The following PODXL variants were observed in gnomAD, a reference collection of about 807,000 sequenced individuals.
PODXL encodes podocalyxin like.
A neutral mutation model predicts 48.9 loss-of-function variants in PODXL; 20 were observed. That is an observed-to-expected ratio of 0.41 (90% confidence interval 0.29 to 0.59). The LOEUF (loss-of-function observed/expected upper bound fraction) is 0.59. Ranked by LOEUF, PODXL falls within the 20% of genes least tolerant of loss-of-function variation. PODXL has a pLI of 0.31. For missense variants in PODXL, 606 were observed against 675.1 expected (o/e 0.90, Z 1.13); for synonymous variants, 295 against 287.4 (o/e 1.03, Z -0.27).
intron 1 of PODXL, among the ~76,000 whole-genome samples, chr7:131,545,276 G>GCAAGCAGCCTT (rs1317441593): frequency 6.6e-6 from 1 of 152,234 alleles, no homozygotes; most frequent in Non-Finnish European, 1.5e-5. Flanking sequence ...GGACTCTGGG[G>GCAAGCAGCCTT]CAAGCAGCCT....
chr7:131,530,716 C>G (rs937585276), intron 1 of PODXL, among the ~76,000 whole-genome samples: 2 of 150,542 alleles, frequency 1.3e-5, no homozygotes, highest in Non-Finnish European at 2.9e-5. Flanking sequence ...TATGATCACA[C>G]CACTGCACTC....
intron 1 of PODXL, among the ~76,000 whole-genome samples, chr7:131,550,570 T>C (rs1798652081): frequency 2.0e-5 from 3 of 151,984 alleles, no homozygotes; most frequent in African/African-American, 7.3e-5. Flanking sequence ...GTCTTGAATC[T>C]GGGAGGCAGA....
chr7:131,528,705 T>A (rs191147697), intron 1 of PODXL, among the ~76,000 whole-genome samples: 1 of 152,330 alleles, frequency 6.6e-6, no homozygotes, highest in East Asian at 1.9e-4. Context: ...GTAGCGATGT[T>A]CAGCTGCTTG....
chr7:131,506,137 C>T, intron 7 of PODXL, 102 bp from the exon 8 acceptor site: 1 of 1,540,982 alleles, frequency 6.5e-7, no homozygotes, highest in Non-Finnish European at 8.9e-7. Flanking sequence ...AGGGTCCGTG[C>T]CGCCGCCCTC....
chr7:131,556,248 C>T lies in PODXL; in HGVS notation c.100+12G>A. ...GGTGGGAGTCCCGGCGGAACCCAGGCCGGCCACTCACCATTCTGGGAGGGC... is the reference window on the plus strand; with the variant it reads ...GGTGGGAGTCCCGGCGGAACCCAGGTCGGCCACTCACCATTCTGGGAGGGC... On this transcript the variant is annotated intron_variant, in intron 1 of 8. Transcript: ENST00000378555. The T allele has an allele frequency of 1.4e-6, 2 of 1,472,142 alleles. No homozygotes were observed. The highest frequency in any genetic ancestry group is 1.8e-6 in the Non-Finnish European group (2 of 1,114,604). The allele number at this position is 1,472,142 out of a possible 1,614,324, so 91.2% of individuals were successfully genotyped here.
At chr7:131,506,178 C>T (rs915311617) in intron 7 of PODXL, 82 bp downstream of exon 7, 65 of 1,564,122 alleles carry the variant, frequency 4.2e-5, no homozygotes, top group Non-Finnish European at 5.2e-5. Context: ...CGGGGTTCCT[C>T]CCCACAGAGA....
intron 1 of PODXL, among the ~76,000 whole-genome samples, chr7:131,530,768 A>G (rs1194852303): frequency 6.6e-6 from 1 of 151,292 alleles, no homozygotes; most frequent in African/African-American, 2.4e-5. Context: ...AGAAAAAAAA[A>G]AAAAAAAAAG....
chr7:131,543,318 G>T (rs1798513623), intron 1 of PODXL, among the ~76,000 whole-genome samples: 1 of 151,950 alleles, frequency 6.6e-6, no homozygotes, highest in African/African-American at 2.4e-5. Flanking sequence ...TAGAGATAGG[G>T]CCTCACTATG....
In PODXL at chr7:131,508,936, C is replaced by T. The variant is rs3212299; in HGVS notation, c.1101+15G>A. 1.3e-6 allele frequency: 2 copies of T among 1,597,714 alleles called. No homozygotes were observed. The highest frequency in any genetic ancestry group is 2.2e-5 in the South Asian group (2 of 90,712). On this transcript the variant is annotated intron_variant, in intron 5 of 8. Transcript: ENST00000378555. Reference sequence around the variant, plus strand: ...TGAGCCTGCACCTGGCGGCTCAGATCAGCAAGCTACTCACACAGAGGGTGT... The same window carrying T: ...TGAGCCTGCACCTGGCGGCTCAGATTAGCAAGCTACTCACACAGAGGGTGT...
intron 1 of PODXL, among the ~76,000 whole-genome samples, chr7:131,531,307 C>G (rs1798277263): frequency 2.0e-5 from 3 of 152,174 alleles, no homozygotes; most frequent in African/African-American, 7.2e-5. Context: ...CAGTATCTCC[C>G]CCTCTCTACC....
intron 1 of PODXL, among the ~76,000 whole-genome samples, chr7:131,533,706 G>T (rs1166680283): frequency 1.3e-5 from 2 of 152,148 alleles, no homozygotes; most frequent in Admixed American, 6.5e-5. Context: ...AGCACCCAAG[G>T]ATACTTGGCT....
Position 131,509,685 on chromosome 7 carries a change from T to C in PODXL, c.803-100A>G. On this transcript the variant is annotated intron_variant, in intron 3 of 8. Transcript: ENST00000378555. ...CTAATAGTTTTCCCAGGTTCTTTGG[T>C]CTTACCTCCCACAGAGACGGAAGAA... 3.8e-6 allele frequency: 3 copies of C among 789,178 alleles called. No individual in the cohort carries two copies. In the South Asian group the frequency reaches 7.2e-5, roughly 19 times the overall value. The allele number at this position is 789,178 out of a possible 1,614,324, so 48.9% of individuals were successfully genotyped here.
intron 8 of PODXL, among the ~76,000 whole-genome samples, chr7:131,504,930 C>T (rs553344030): frequency 6.6e-6 from 1 of 152,198 alleles, no homozygotes; most frequent in African/African-American, 2.4e-5. Flanking sequence ...GGTACGGTGT[C>T]TCTAGAATCA....
At chr7:131,554,854 A>G (rs953480893) in intron 1 of PODXL, among the ~76,000 whole-genome samples, 1 of 152,168 alleles carries the variant, frequency 6.6e-6, no homozygotes, top group African/African-American at 2.4e-5. Flanking sequence ...AGTAGGGCTA[A>G]GGAGCCACCA....
At chr7:131,534,051 C>G (rs1007455298) in intron 1 of PODXL, among the ~76,000 whole-genome samples, 1 of 152,098 alleles carries the variant, frequency 6.6e-6, no homozygotes, top group South Asian at 2.1e-4. Context: ...AGGAAAGGCA[C>G]CCCACCTCCC....
At chr7:131,533,167 A>G (rs1798311712) in intron 1 of PODXL, among the ~76,000 whole-genome samples, 1 of 152,152 alleles carries the variant, frequency 6.6e-6, no homozygotes, top group Admixed American at 6.5e-5. Context: ...AGTGTCAGGT[A>G]GATAAGTGCA....
At position 131,556,350 on chromosome 7, in the gene PODXL, C is replaced by T; in HGVS notation, c.10G>A (p.Ala4Thr). 1.4e-6 allele frequency: 2 copies of T among 1,441,674 alleles called. No individual in the cohort carries two copies. Among genetic ancestry groups the T allele is most frequent in the East Asian group, 2.8e-5 (1 of 35,604 alleles). 89.3% of individuals were successfully genotyped at this position (1,441,674 alleles called of 1,614,324 possible). The change falls in exon 1 of 9, where the codon GCG becomes ACG. Residue 4 changes from alanine (A) to threonine (T), a missense_variant. By Grantham distance (58) the Ala-to-Thr change is moderately conservative (BLOSUM62 0). Coordinates refer to ENST00000378555, the MANE Select transcript of PODXL (RefSeq NM_001018111.3). Reference sequence around the variant, plus strand: ...AGCAGCAGCGCCGAGAGCGCCAGCGCGCAGCGCATCGTGTCGTCGCCTCTG... The same window carrying T: ...AGCAGCAGCGCCGAGAGCGCCAGCGTGCAGCGCATCGTGTCGTCGCCTCTG... MRC[A>T]LALSALLLLL...
intron 1 of PODXL, 55 bp from the exon 2 acceptor site, chr7:131,511,488 G>A (rs763346342): frequency 5.1e-6 from 8 of 1,560,982 alleles, no homozygotes; most frequent in South Asian, 3.5e-5. Flanking sequence ...TCCTCACCAC[G>A]CTTCTCCAGC....
intron 1 of PODXL, among the ~76,000 whole-genome samples, chr7:131,516,734 CTCTT>C (rs1003608260): frequency 3.9e-4 from 25 of 64,620 alleles, no homozygotes; most frequent in African/African-American, 1.3e-3. Context: ...GCTTTTTTTT[CTCTT>C]TTTTTTTTTT....
Sources: allele counts gnomAD v4.1 joint callset (sites outside exome capture counted in the v4.1 genomes callset), GRCh38; gene constraint gnomAD v4.1.1; transcripts MANE v1.5; gene names NCBI Gene and HGNC (gene_info 2026-07-23, HGNC 2026-07-21).